PHACTR1: variants seen among roughly 807,000 people sequenced by gnomAD.
PHACTR1 encodes the protein RPEL repeat containing 1.
Under a neutral mutation model 69.2 loss-of-function variants are expected in PHACTR1, and 16 were observed. The observed-to-expected ratio is 0.23, with a 90% CI of 0.16 to 0.35. The LOEUF (loss-of-function observed/expected upper bound fraction) is 0.35, where lower values mean the gene tolerates loss of function less well. PHACTR1 is among the 10% of genes least tolerant of loss of function. The pLI, the probability that PHACTR1 is intolerant of heterozygous loss-of-function variation, is 1.00. For missense variants in PHACTR1, 510 were observed against 734.7 expected (o/e 0.69, Z 3.54); for synonymous variants, 312 against 284.5 (o/e 1.10, Z -0.97).
intron 10 of PHACTR1, among the ~76,000 whole-genome samples, chr6:13,261,495 A>G (rs970695420): frequency 2.6e-5 from 4 of 152,178 alleles, no homozygotes; most frequent in African/African-American, 9.7e-5. Flanking sequence ...AAAAATATTG[A>G]AAAGTTTGAA....
chr6:13,263,679 C>G (rs893531426), intron 10 of PHACTR1, among the ~76,000 whole-genome samples: 1 of 152,248 alleles, frequency 6.6e-6, no homozygotes, highest in Non-Finnish European at 1.5e-5. Context: ...AAAGTGATCA[C>G]GTTTAGATAT....
intron 4 of PHACTR1, among the ~76,000 whole-genome samples, chr6:12,829,572 T>C (rs1232647392): frequency 6.6e-6 from 1 of 152,138 alleles, no homozygotes; most frequent in African/African-American, 2.4e-5. Context: ...AAGAGTTTAG[T>C]AGTTGAAACT....
At chr6:13,155,464 A>G (rs1223537) in intron 5 of PHACTR1, among the ~76,000 whole-genome samples, 148,817 of 152,290 alleles carry the variant, frequency 0.98, 72,779 homozygotes, top group Non-Finnish European at 0.99. Flanking sequence ...ATGGGGGGTA[A>G]GTGTGCATAC....
At chr6:12,929,002 T>C (rs969277927) in intron 4 of PHACTR1, among the ~76,000 whole-genome samples, 3 of 152,180 alleles carry the variant, frequency 2.0e-5, no homozygotes, top group Middle Eastern at 3.2e-3. Context: ...GCAATTCCAA[T>C]GTGCAGCAAA....
chr6:12,719,509 ATT>A (rs894588303), intron 3 of PHACTR1, among the ~76,000 whole-genome samples: 1 of 149,722 alleles, frequency 6.7e-6, no homozygotes, highest in African/African-American at 2.5e-5. Flanking sequence ...CTAGGAGGAG[ATT>A]TTTTTTTTCA....
intron 4 of PHACTR1, among the ~76,000 whole-genome samples, chr6:12,944,244 G>A (rs1260935734): frequency 2.0e-5 from 3 of 152,184 alleles, no homozygotes; most frequent in South Asian, 4.1e-4. Flanking sequence ...TGAGAGAGAC[G>A]CTGAGTCCAA....
rs537484823 is a variant in PHACTR1 at position 12,895,403 on chromosome 6, G to A, written c.250+145613G>A. ...TTGCCATGTTGGCCAGGCTGGTCTC[G>A]AACTCCTGACCTCAGGTGATCTACC... is the stretch of plus-strand genomic sequence containing the variant. On this transcript the variant is annotated intron_variant, in intron 4 of 14. Coordinates refer to ENST00000332995, the MANE Select transcript of PHACTR1 (RefSeq NM_030948.6). Among the ~76,000 whole-genome samples, 21 of 151,978 alleles carry A rather than the reference G, an allele frequency of 1.4e-4. No homozygotes were observed. The South Asian group carries it at 2.9e-3, about 21-fold the overall frequency.
intron 3 of PHACTR1, among the ~76,000 whole-genome samples, chr6:12,744,253 C>T (rs1443607950): frequency 6.6e-6 from 1 of 152,194 alleles, no homozygotes; most frequent in Non-Finnish European, 1.5e-5. Flanking sequence ...CCCATCAAAG[C>T]CTTGGCAAAA....
chr6:12,862,009 T>G (rs1438721529), intron 4 of PHACTR1, among the ~76,000 whole-genome samples: 1 of 152,208 alleles, frequency 6.6e-6, no homozygotes, highest in Non-Finnish European at 1.5e-5. Flanking sequence ...TGTAAGTTAC[T>G]ATGCCAATAA....
At chr6:12,990,017 T>C (rs150814945) in intron 4 of PHACTR1, among the ~76,000 whole-genome samples, 84 of 152,294 alleles carry the variant, frequency 5.5e-4, no homozygotes, top group Admixed American at 2.4e-3. Context: ...CATGGGAACA[T>C]GATGGCAATT....
intron 8 of PHACTR1, among the ~76,000 whole-genome samples, chr6:13,211,925 C>T (rs1042804808): frequency 3.3e-5 from 5 of 152,220 alleles, no homozygotes; most frequent in African/African-American, 9.6e-5. Context: ...AACACACACA[C>T]ACACACAATG....
chr6:13,133,640 C>G (rs1383535747), intron 5 of PHACTR1, among the ~76,000 whole-genome samples: 7 of 152,082 alleles, frequency 4.6e-5, no homozygotes, highest in African/African-American at 9.7e-5. Flanking sequence ...GATCTCGGCT[C>G]GCTACAACTT....
intron 12 of PHACTR1, among the ~76,000 whole-genome samples, chr6:13,282,757 AAAAT>A (rs10569147): frequency 0.25 from 37,988 of 151,912 alleles, 7,947 homozygotes; most frequent in African/African-American, 0.56. Flanking sequence ...TCACAAATCC[AAAAT>A]AAGACAGAAT....
At chr6:13,053,232 A>G (rs549339700) in intron 4 of PHACTR1, 133 bp from the exon 5 acceptor site, 131 of 1,031,728 alleles carry the variant, frequency 1.3e-4, no homozygotes, top group Non-Finnish European at 1.7e-4. Context: ...CTTCCATTCC[A>G]AAAGGCAAAG....
chr6:13,068,090 G>A (rs1387546457), intron 5 of PHACTR1, among the ~76,000 whole-genome samples: 1 of 152,200 alleles, frequency 6.6e-6, no homozygotes, highest in Non-Finnish European at 1.5e-5. Flanking sequence ...GCTGAGGCAG[G>A]CAGATTACCT....
chr6:12,840,122 A>G (rs565161884), intron 4 of PHACTR1, among the ~76,000 whole-genome samples: 58 of 152,260 alleles, frequency 3.8e-4, no homozygotes, highest in African/African-American at 1.3e-3. Flanking sequence ...GTCAGCAGGG[A>G]GTAATCAGGA....
In PHACTR1 at chr6:12,891,926, G is replaced by A. The variant is rs75548404; in HGVS notation, c.250+142136G>A. On this transcript the variant is annotated intron_variant, in intron 4 of 14. Transcript: ENST00000332995. ...CAGGGATAATAATAGGGCCACCATA[G>A]AGGGTGCTGAGGATGATTGAATGAG... is the stretch of plus-strand genomic sequence containing the variant. 1.7e-3 allele frequency among the ~76,000 whole-genome samples: 264 copies of A among 152,342 alleles called. 2 individuals are homozygous for A. The highest frequency in any genetic ancestry group is 6.2e-3 in the African/African-American group (256 of 41,582).
intron 10 of PHACTR1, among the ~76,000 whole-genome samples, chr6:13,271,305 T>TC (rs559513385): frequency 1.3e-5 from 2 of 151,938 alleles, no homozygotes; most frequent in African/African-American, 4.8e-5. Context: ...GCACCAGGCC[T>TC]CCCCCCGAGC....
chr6:12,796,411 T>C (rs897058751), intron 4 of PHACTR1, among the ~76,000 whole-genome samples: 19 of 152,228 alleles, frequency 1.2e-4, no homozygotes, highest in African/African-American at 4.6e-4. Flanking sequence ...CCAGCAGCAG[T>C]ATTTATCCTG....
Sources: gnomAD v4.1 joint callset for allele counts (sites outside exome capture counted in the v4.1 genomes callset) on GRCh38, gnomAD v4.1.1 for gene constraint, MANE v1.5 for transcripts, NCBI Gene and HGNC (gene_info 2026-07-23, HGNC 2026-07-21) for gene names.